Variants in CHN2 observed in about 807,000 individuals in gnomAD.
CHN2 encodes the protein beta-chimaerin.
A neutral mutation model predicts 56.3 loss-of-function variants in CHN2; 35 were observed. The ratio of observed to expected loss-of-function variants is 0.62; its 90% CI spans 0.47 to 0.82. The LOEUF is 0.82. Ranked by LOEUF, CHN2 falls within the 40% of genes least tolerant of loss-of-function variation. The probability of loss-of-function intolerance (pLI) is 0.00; values close to 1 mark genes in which losing one functional copy is unlikely to be tolerated. For synonymous variants in CHN2, 210 were observed against 212.8 expected (o/e 0.99, Z 0.12); for missense variants, 491 against 580.5 (o/e 0.85, Z 1.58).
chr7:29,360,180 G>C (rs868179058), intron 2 of CHN2, among the ~76,000 whole-genome samples: 1 of 152,156 alleles, frequency 6.6e-6, no homozygotes, highest in South Asian at 2.1e-4. Flanking sequence ...TCTCCTCCTA[G>C]AGGTTTTTCA....
chr7:29,396,100 G>C (rs754450908), intron 4 of CHN2, among the ~76,000 whole-genome samples: 8 of 151,870 alleles, frequency 5.3e-5, no homozygotes, highest in Admixed American at 1.3e-4. Flanking sequence ...AATAAAAATA[G>C]AAAAAGTATG....
chr7:29,351,490 G>A (rs1020149511), intron 1 of CHN2, among the ~76,000 whole-genome samples: 43 of 152,188 alleles, frequency 2.8e-4, no homozygotes, highest in Admixed American at 1.8e-3. Flanking sequence ...TAATAGTGCC[G>A]TGAAGAAAAA....
intron 3 of CHN2, among the ~76,000 whole-genome samples, chr7:29,380,150 A>G (rs1262483203): frequency 2.0e-5 from 3 of 152,192 alleles, no homozygotes; most frequent in Admixed American, 1.3e-4. Context: ...CTATAAGAAG[A>G]AGGCAAAGAT....
upstream of CHN2, among the ~76,000 whole-genome samples, chr7:29,189,826 CA>C (rs1369741395): frequency 6.6e-6 from 1 of 152,170 alleles, no homozygotes; most frequent in African/African-American, 2.4e-5. Flanking sequence ...GCAATACCCC[CA>C]AGCCCCCCTG....
intron 1 of CHN2, among the ~76,000 whole-genome samples, chr7:29,229,978 AAAAT>A (rs3046854): frequency 1.0e-4 from 15 of 149,652 alleles, no homozygotes; most frequent in Admixed American, 4.0e-4. Flanking sequence ...CCCTGTCTCA[AAAAT>A]AAATAAATAA....
At chr7:29,509,238 T>TACTTCTCTGAAAACTTGAATGCCA in intron 11 of CHN2, 63 bp from the exon 12 acceptor site, 4 of 1,258,000 alleles carry the variant, frequency 3.2e-6, no homozygotes, top group Non-Finnish European at 4.6e-6. Context: ...AACTTCTTGT[T>TACTTCTCTGAAAACTTGAATGCCA]ACTTCTCTGA....
chr7:29,243,601 C>T (rs1431074206), intron 1 of CHN2, among the ~76,000 whole-genome samples: 1 of 152,150 alleles, frequency 6.6e-6, no homozygotes, highest in Non-Finnish European at 1.5e-5. Context: ...GTATGTTGTA[C>T]AGATTTTGAA....
intron 6 of CHN2, among the ~76,000 whole-genome samples, chr7:29,403,454 C>T (rs1802388197): frequency 6.6e-6 from 1 of 152,082 alleles, no homozygotes; most frequent in African/African-American, 2.4e-5. Context: ...ACTTAAATTT[C>T]GTTTTCTCAT....
At position 29,484,529 on chromosome 7, in the gene CHN2, A is replaced by G. The variant is rs73309085; in HGVS notation, c.654+4173A>G. Among the ~76,000 whole-genome samples the G allele has an allele frequency of 9.0e-3, 1,375 of 152,048 alleles. 20 individuals carry two copies. Among genetic ancestry groups the G allele is most frequent in the African/African-American group, 0.032 (1,316 of 41,450 alleles). On this transcript the variant is annotated intron_variant, in intron 7 of 12. Transcript: ENST00000222792. ...TTTGTCTTGTAGACACACCACTCCA[A>G]TCTCTGCCTCCATCTTCATATAGCC... is the stretch of plus-strand genomic sequence containing the variant.
intron 6 of CHN2, among the ~76,000 whole-genome samples, chr7:29,476,723 T>A (rs1786630080): frequency 6.6e-6 from 1 of 152,106 alleles, no homozygotes; most frequent in South Asian, 2.1e-4. Flanking sequence ...TCTGGAGACA[T>A]TTTTTATTAC....
At chr7:29,496,067 A>G (rs749358900) in intron 8 of CHN2, 31 bp downstream of exon 8, 73 of 1,551,744 alleles carry the variant, frequency 4.7e-5, no homozygotes, top group Non-Finnish European at 6.3e-5. Context: ...TTTTCCAATT[A>G]TATGAAATGC....
chr7:29,407,566 G>C (rs2128093146), intron 6 of CHN2, among the ~76,000 whole-genome samples: 1 of 152,246 alleles, frequency 6.6e-6, no homozygotes, highest in African/African-American at 2.4e-5. Flanking sequence ...ACATGTAACT[G>C]ACATACCCAG....
At chr7:29,251,011 G>T (rs1489932661) in intron 1 of CHN2, among the ~76,000 whole-genome samples, 1 of 152,146 alleles carries the variant, frequency 6.6e-6, no homozygotes, top group Non-Finnish European at 1.5e-5. Context: ...CACCCAGCTT[G>T]CCTGAACTTC....
intron 6 of CHN2, among the ~76,000 whole-genome samples, chr7:29,411,821 C>T (rs745595030): frequency 6.6e-6 from 1 of 152,132 alleles, no homozygotes; most frequent in East Asian, 1.9e-4. Flanking sequence ...GAGCTTCTCG[C>T]GGAGCTGCCC....
Position 29,499,880 on chromosome 7 carries a change from C to T in CHN2, c.753C>T (p.Asn251=), listed in dbSNP as rs553833247. The part of the protein sequence containing the change: ...QGVRCSDCGL[N]VHKQCSKHVP... Reference sequence around the variant, plus strand: ...CTTTGTTTACAGACTGTGGATTGAACGTACACAAACAGTGTTCCAAGCACG... The same window carrying T: ...CTTTGTTTACAGACTGTGGATTGAATGTACACAAACAGTGTTCCAAGCACG... The change falls in exon 9 of 13, where the codon AAC becomes AAT. Residue 251 remains asparagine (N), a synonymous_variant. Coordinates refer to ENST00000222792, the MANE Select transcript of CHN2 (RefSeq NM_004067.4). The T allele has an allele frequency of 2.3e-5, 36 of 1,594,908 alleles. No homozygotes were observed. Among genetic ancestry groups the T allele is most frequent in the Admixed American group, 3.6e-5 (2 of 55,714 alleles).
At chr7:29,214,787 G>T (rs1454795366) in intron 1 of CHN2, among the ~76,000 whole-genome samples, 1 of 152,174 alleles carries the variant, frequency 6.6e-6, no homozygotes, top group East Asian at 1.9e-4. Context: ...AAACTTGGCA[G>T]GGAGATGGCA....
intron 2 of CHN2, among the ~76,000 whole-genome samples, chr7:29,355,271 A>G (rs2128926503): frequency 6.6e-6 from 1 of 152,076 alleles, no homozygotes; most frequent in African/African-American, 2.4e-5. Context: ...GCGCCCAGCC[A>G]CTTTTATTTA....
At chr7:29,180,220 A>T (rs928256700) in intron 2 of CHN2, among the ~76,000 whole-genome samples, 4 of 152,210 alleles carry the variant, frequency 2.6e-5, no homozygotes, top group Non-Finnish European at 5.9e-5. Flanking sequence ...TTAAAATGTG[A>T]TAACGTACCA....
chr7:29,396,085 T>C (rs879860323), intron 4 of CHN2, among the ~76,000 whole-genome samples: 10 of 151,914 alleles, frequency 6.6e-5, no homozygotes, highest in Non-Finnish European at 4.4e-5. Flanking sequence ...TATATATCAA[T>C]TAAAAATAAA....
Sources: allele counts gnomAD v4.1 joint callset (sites outside exome capture counted in the v4.1 genomes callset), GRCh38; gene constraint gnomAD v4.1.1; transcripts MANE v1.5; gene names NCBI Gene and HGNC (gene_info 2026-07-23, HGNC 2026-07-21).